Variants in LRRTM4 observed in about 807,000 individuals in gnomAD.
The protein encoded by LRRTM4 is leucine-rich repeat transmembrane neuronal protein 4.
A neutral mutation model predicts 47.6 loss-of-function variants in LRRTM4; 25 were observed. The observed-to-expected ratio is 0.53, with a 90% CI of 0.38 to 0.73. The LOEUF is 0.73. Among genes scored for constraint, LRRTM4 ranks in the 30% least tolerant of loss-of-function variants. The pLI, the probability that LRRTM4 is intolerant of heterozygous loss-of-function variation, is 0.00. For synonymous variants in LRRTM4, 311 were observed against 269.5 expected, an observed-to-expected ratio of 1.15 and a Z score of -1.51; for missense variants, 638 against 713.4, an observed-to-expected ratio of 0.89 and a Z score of 1.20.
At chr2:77,024,536 A>G (rs1444423523) in intron 3 of LRRTM4, among the ~76,000 whole-genome samples, 3 of 151,890 alleles carry the variant, frequency 2.0e-5, no homozygotes, top group Admixed American at 1.3e-4. Flanking sequence ...AAAGAAAAAA[A>G]CAACAGAGAG....
intron 3 of LRRTM4, among the ~76,000 whole-genome samples, chr2:77,056,909 A>G (rs535900644): frequency 2.0e-5 from 3 of 152,200 alleles, no homozygotes; most frequent in African/African-American, 7.2e-5. Flanking sequence ...ATTTTTTCAT[A>G]CAGACAAACT....
At chr2:76,787,945 CT>C (rs1387048849) in intron 3 of LRRTM4, among the ~76,000 whole-genome samples, 3 of 151,996 alleles carry the variant, frequency 2.0e-5, no homozygotes, top group Admixed American at 2.0e-4. Flanking sequence ...ACATGAATTG[CT>C]TTATGTCTGT....
At position 76,796,168 on chromosome 2, in the gene LRRTM4, G is replaced by A. The variant is rs192716968; in HGVS notation, c.1552-47252C>T. Among the ~76,000 whole-genome samples the A allele has an allele frequency of 9.7e-5, 14 of 143,972 alleles. 1 individual carries two copies. Among genetic ancestry groups the A allele is most frequent in the Middle Eastern group, 3.6e-3 (1 of 274 alleles). 94.5% of individuals were successfully genotyped at this position (143,972 alleles called of 152,430 possible). ...CCGCACATGGCTCGCAGGGTCCTAC[G>A]CCCACAGAGCCTCGCTGATTGCTAG... On this transcript the variant is annotated intron_variant, in intron 3 of 3. Transcript: ENST00000409884.
chr2:77,073,453 C>A (rs1680229393), intron 3 of LRRTM4, among the ~76,000 whole-genome samples: 1 of 151,920 alleles, frequency 6.6e-6, no homozygotes, highest in African/African-American at 2.4e-5. Flanking sequence ...ATTTCCAGTA[C>A]AGACATTTTC....
At chr2:76,955,676 T>C (rs139623906) in intron 3 of LRRTM4, among the ~76,000 whole-genome samples, 1 of 151,810 alleles carries the variant, frequency 6.6e-6, no homozygotes, top group Non-Finnish European at 1.5e-5. Context: ...GGTGGAGCTC[T>C]CTTGAATGGA....
intron 3 of LRRTM4, among the ~76,000 whole-genome samples, chr2:76,897,978 T>C (rs1324766957): frequency 6.6e-6 from 1 of 152,160 alleles, no homozygotes; most frequent in African/African-American, 2.4e-5. Flanking sequence ...ATTTAATCTT[T>C]TTATGTTTCC....
At chr2:77,444,951 ACACACAC>A in intron 3 of LRRTM4, among the ~76,000 whole-genome samples, 1 of 70,230 alleles carries the variant, frequency 1.4e-5, no homozygotes, top group African/African-American at 4.4e-5. Context: ...ACACACACAT[ACACACAC>A]ACACACACAC....
intron 3 of LRRTM4, among the ~76,000 whole-genome samples, chr2:77,513,327 G>A (rs1373725619): frequency 1.3e-5 from 2 of 152,144 alleles, no homozygotes; most frequent in African/African-American, 2.4e-5. Context: ...TGCTTTTTCA[G>A]TTCTGAGAAT....
intron 3 of LRRTM4, among the ~76,000 whole-genome samples, chr2:76,796,342 G>A (rs1675325662): frequency 8.0e-6 from 1 of 125,336 alleles, no homozygotes; most frequent in Non-Finnish European, 1.7e-5. Context: ...GCCTGCCTCT[G>A]TAGGCTCCAC....
At chr2:77,396,739 G>A (rs747801860) in intron 3 of LRRTM4, among the ~76,000 whole-genome samples, 3 of 151,892 alleles carry the variant, frequency 2.0e-5, no homozygotes, top group Non-Finnish European at 2.9e-5. Context: ...CAGGCAATAT[G>A]CACAATAGTT....
At chr2:76,807,459 C>CATATATATATATACAT (rs772135026) in intron 3 of LRRTM4, among the ~76,000 whole-genome samples, 1 of 85,630 alleles carries the variant, frequency 1.2e-5, no homozygotes, top group Non-Finnish European at 2.0e-5. Context: ...TATATATATA[C>CATATATATATATACAT]ATATATATAT....
At chr2:77,288,527 T>C (rs78644265) in intron 3 of LRRTM4, among the ~76,000 whole-genome samples, 1,598 of 152,148 alleles carry the variant, frequency 0.011, 48 homozygotes, top group East Asian at 0.1. Flanking sequence ...AAAAAGACTA[T>C]ACGTGTTGGT....
chr2:76,854,812 CTTTTT>C (rs66549743), intron 3 of LRRTM4, among the ~76,000 whole-genome samples: 4 of 144,040 alleles, frequency 2.8e-5, no homozygotes, highest in African/African-American at 1.0e-4. Flanking sequence ...AAAGAAAATC[CTTTTT>C]TTTTTTTTCA....
chr2:77,056,554 T>G (rs536271842), intron 3 of LRRTM4, among the ~76,000 whole-genome samples: 18 of 151,768 alleles, frequency 1.2e-4, no homozygotes, highest in Non-Finnish European at 2.1e-4. Context: ...TGAAAGTAAT[T>G]GAAAAAAGTA....
At chr2:77,313,899 C>T (rs1481310348) in intron 3 of LRRTM4, among the ~76,000 whole-genome samples, 1 of 152,138 alleles carries the variant, frequency 6.6e-6, no homozygotes, top group Non-Finnish European at 1.5e-5. Context: ...TTACATTTTC[C>T]TTAAACAAAA....
At chr2:76,864,808 C>T (rs1672418364) in intron 3 of LRRTM4, among the ~76,000 whole-genome samples, 1 of 150,384 alleles carries the variant, frequency 6.6e-6, no homozygotes, top group African/African-American at 2.5e-5. Context: ...CTCACTGCAG[C>T]TTCAACCTCC....
At chr2:76,954,301 A>G (rs1247470895) in intron 3 of LRRTM4, among the ~76,000 whole-genome samples, 2 of 151,924 alleles carry the variant, frequency 1.3e-5, no homozygotes, top group African/African-American at 4.8e-5. Context: ...ATGACCAATA[A>G]GCTCAGAAAA....
intron 3 of LRRTM4, among the ~76,000 whole-genome samples, chr2:77,457,226 T>G (rs2103964748): frequency 6.6e-6 from 1 of 151,878 alleles, no homozygotes; most frequent in African/African-American, 2.4e-5. Context: ...GCCATGTCAG[T>G]ACACTTTATT....
chr2:76,816,819 G>GTT lies in LRRTM4; in HGVS notation c.1552-67905_1552-67904dup, dbSNP rs201525166. The stretch of plus-strand genomic sequence containing the variant: ...CACTGCTTTTACTTAGAGGTAAAGA[G>GTT]TTTTTTTTTTTTTTTTTTTTTTTTT... On this transcript the variant is annotated intron_variant, in intron 3 of 3. Transcript: ENST00000409884. Among the ~76,000 whole-genome samples, 824 of 96,046 alleles carry GTT rather than the reference G, an allele frequency of 8.6e-3. 45 individuals carry two copies. The highest frequency in any genetic ancestry group is 0.014 in the Non-Finnish European group (571 of 39,602). The allele number at this position is 96,046 out of a possible 152,430, so 63.0% of individuals were successfully genotyped here.
Sources: allele counts gnomAD v4.1 joint callset (sites outside exome capture counted in the v4.1 genomes callset), GRCh38; gene constraint gnomAD v4.1.1; transcripts MANE v1.5; gene names NCBI Gene and HGNC (gene_info 2026-07-23, HGNC 2026-07-21).